The following ELAVL4 variants were observed in gnomAD, a reference collection of about 807,000 sequenced individuals.
The protein encoded by ELAVL4 is ELAV like RNA binding protein 4.
A neutral mutation model predicts 35.6 loss-of-function variants in ELAVL4; 1 was observed. That is an observed-to-expected ratio of 0.03 (90% confidence interval 0.01 to 0.13). The LOEUF is 0.13. ELAVL4 is among the 10% of genes least tolerant of loss of function. ELAVL4 has a pLI of 1.00. For missense variants in ELAVL4, 267 were observed against 464.9 expected (o/e 0.57, Z 3.91); for synonymous variants, 156 against 171.0 (o/e 0.91, Z 0.69).
At chr1:50,151,403 G>C (rs1478617486) in intron 2 of ELAVL4, among the ~76,000 whole-genome samples, 1 of 152,180 alleles carries the variant, frequency 6.6e-6, no homozygotes, top group Non-Finnish European at 1.5e-5. Flanking sequence ...AAGAAGACTA[G>C]ACTTGGAGTG....
At chr1:50,180,771 G>C (rs758265223) in intron 3 of ELAVL4, 1 of 152,194 alleles carries the variant, frequency 6.6e-6, no homozygotes, top group Non-Finnish European at 1.5e-5. Flanking sequence ...CAGGCCAGCA[G>C]TGGAGCTCAA....
chr1:50,071,109 A>AC (rs958024609), intron 1 of ELAVL4, among the ~76,000 whole-genome samples: 2 of 150,446 alleles, frequency 1.3e-5, no homozygotes, highest in East Asian at 3.9e-4. Context: ...GCTCTCAAGG[A>AC]CCCCCCCTCA....
At chr1:50,093,690 A>G (rs1181496862) in intron 1 of ELAVL4, among the ~76,000 whole-genome samples, 1 of 152,232 alleles carries the variant, frequency 6.6e-6, no homozygotes, top group African/African-American at 2.4e-5. Context: ...CATTGGGAGC[A>G]CTAATTCAAC....
intron 1 of ELAVL4, among the ~76,000 whole-genome samples, chr1:50,143,799 C>G (rs1673223231): frequency 6.6e-6 from 1 of 151,968 alleles, no homozygotes; most frequent in South Asian, 2.1e-4. Context: ...GGACTTTGCC[C>G]CCATTTTTCT....
At chr1:50,131,218 T>A (rs1670798782) in intron 1 of ELAVL4, among the ~76,000 whole-genome samples, 1 of 152,178 alleles carries the variant, frequency 6.6e-6, no homozygotes, top group African/African-American at 2.4e-5. Context: ...AAGGGTCTTA[T>A]CTGAGAATTG....
At chr1:50,098,931 G>T (rs995894691), upstream of ELAVL4, among the ~76,000 whole-genome samples, 5 of 152,228 alleles carry the variant, frequency 3.3e-5, no homozygotes, top group Admixed American at 1.3e-4. Flanking sequence ...GGCTAAGGCA[G>T]AAGGGAAGTG....
intron 1 of ELAVL4, among the ~76,000 whole-genome samples, chr1:50,124,746 C>T (rs894893311): frequency 2.0e-5 from 3 of 152,086 alleles, no homozygotes; most frequent in African/African-American, 7.2e-5. Flanking sequence ...TCAAGACTAC[C>T]TGGATTCAAA....
chr1:50,095,512 T>C (rs917597781), intron 1 of ELAVL4, among the ~76,000 whole-genome samples: 3 of 152,054 alleles, frequency 2.0e-5, no homozygotes, highest in African/African-American at 7.2e-5. Context: ...CTATATAGTC[T>C]CCTTTTAAAC....
At chr1:50,184,885 G>T (rs1308101398) in intron 3 of ELAVL4, among the ~76,000 whole-genome samples, 1 of 152,148 alleles carries the variant, frequency 6.6e-6, no homozygotes, top group Non-Finnish European at 1.5e-5. Context: ...TGTTATTTCT[G>T]ATTGTAGAGC....
At chr1:50,117,102 A>C (rs1240836821) in intron 1 of ELAVL4, among the ~76,000 whole-genome samples, 1 of 152,092 alleles carries the variant, frequency 6.6e-6, no homozygotes, top group East Asian at 1.9e-4. Flanking sequence ...TAAAATATGT[A>C]AATTGGTTTT....
At chr1:50,199,805 A>G (rs1013679461) in intron 6 of ELAVL4, among the ~76,000 whole-genome samples, 1 of 152,240 alleles carries the variant, frequency 6.6e-6, no homozygotes, top group Non-Finnish European at 1.5e-5. Context: ...GTTCTGCTAT[A>G]GGCACTGGTA....
At chr1:50,154,330 A>G (rs1375328778) in intron 2 of ELAVL4, among the ~76,000 whole-genome samples, 2 of 152,164 alleles carry the variant, frequency 1.3e-5, no homozygotes, top group African/African-American at 4.8e-5. Flanking sequence ...TCTGAGAACC[A>G]TTATTTATCT....
At chr1:50,053,402 G>A (rs913229258) in intron 1 of ELAVL4, among the ~76,000 whole-genome samples, 1 of 152,224 alleles carries the variant, frequency 6.6e-6, no homozygotes, top group African/African-American at 2.4e-5. Flanking sequence ...AAACTGGAGT[G>A]TAGTGGCATG....
intron 3 of ELAVL4, among the ~76,000 whole-genome samples, chr1:50,183,634 C>G (rs1317405421): frequency 6.6e-6 from 1 of 152,168 alleles, no homozygotes; most frequent in Non-Finnish European, 1.5e-5. Context: ...TCTTTCCACA[C>G]TTGAGCTTTG....
chr1:50,131,330 A>G (rs140549170), intron 1 of ELAVL4, among the ~76,000 whole-genome samples: 250 of 152,256 alleles, frequency 1.6e-3, no homozygotes, highest in African/African-American at 5.7e-3. Context: ...AAAAATGCCA[A>G]CTTGACTTTT....
intron 2 of ELAVL4, among the ~76,000 whole-genome samples, chr1:50,166,273 G>A (rs1482559969): frequency 3.3e-5 from 5 of 152,036 alleles, no homozygotes; most frequent in Non-Finnish European, 7.4e-5. Flanking sequence ...TTCAAATAAA[G>A]GTAGTAATAA....
At chr1:50,138,809 G>A (rs1441030545) in intron 1 of ELAVL4, among the ~76,000 whole-genome samples, 1 of 152,104 alleles carries the variant, frequency 6.6e-6, no homozygotes, top group Non-Finnish European at 1.5e-5. Flanking sequence ...GAGATGGAAA[G>A]TAGAATGGTA....
chr1:50,063,724 A>G (rs1367638316), intron 1 of ELAVL4, among the ~76,000 whole-genome samples: 1 of 152,104 alleles, frequency 6.6e-6, no homozygotes, highest in Non-Finnish European at 1.5e-5. Context: ...GTAGTCCCAT[A>G]GCATTGTGAC....
At chr1:50,164,713 G>A (rs954821037) in intron 2 of ELAVL4, among the ~76,000 whole-genome samples, 10 of 152,168 alleles carry the variant, frequency 6.6e-5, no homozygotes, top group Non-Finnish European at 1.5e-4. Context: ...TGTGTCTTAT[G>A]GGATCGGGTT....
Sources: allele counts gnomAD v4.1 joint callset (sites outside exome capture counted in the v4.1 genomes callset), GRCh38; gene constraint gnomAD v4.1.1; transcripts MANE v1.5; gene names NCBI Gene and HGNC (gene_info 2026-07-23, HGNC 2026-07-21).